The following MAST3 variants were observed in gnomAD, a reference collection of about 807,000 sequenced individuals.
MAST3 encodes the protein microtubule associated serine/threonine kinase 3, also known as microtubule-associated serine/threonine-protein kinase 3.
Under a neutral mutation model 127.0 loss-of-function variants are expected in MAST3, and 43 were observed. The observed-to-expected ratio is 0.34, with a 90% confidence interval of 0.27 to 0.44. The LOEUF is 0.44. Ranked by LOEUF, MAST3 falls within the 20% of genes least tolerant of loss-of-function variation. The pLI, the probability that MAST3 is intolerant of heterozygous loss-of-function variation, is 1.00. For synonymous variants in MAST3, 785 were observed against 809.2 expected (o/e 0.97, Z 0.51); for missense variants, 1,390 against 1,919.1 (o/e 0.72, Z 5.15).
At chr19:18,130,199 G>C (rs962909144) in intron 13 of MAST3, among the ~76,000 whole-genome samples, 2 of 152,196 alleles carry the variant, frequency 1.3e-5, no homozygotes, top group African/African-American at 4.8e-5. Flanking sequence ...CTGGGCAACA[G>C]AGTGAGGCGC....
At chr19:18,124,936 C>CCCG (rs953022356) in intron 11 of MAST3, among the ~76,000 whole-genome samples, 162 bp downstream of exon 11, 2 of 137,326 alleles carry the variant, frequency 1.5e-5, no homozygotes, top group African/African-American at 2.7e-5. Context: ...TGGAAACCCC[C>CCCG]CCCCTACTAA....
intron 11 of MAST3, 102 bp from the exon 12 acceptor site, chr19:18,128,298 A>C: frequency 1.1e-6 from 1 of 881,300 alleles, no homozygotes; most frequent in Non-Finnish European, 1.8e-6. Flanking sequence ...GAGGCACTGC[A>C]TCCCCAGCCT....
At chr19:18,137,026 T>C (rs1176697894) in intron 18 of MAST3, among the ~76,000 whole-genome samples, 1 of 152,174 alleles carries the variant, frequency 6.6e-6, no homozygotes, top group Non-Finnish European at 1.5e-5. Context: ...TTTGCCATGC[T>C]GGCCAGACTG....
chr19:18,134,543 C>T (rs762224946), intron 15 of MAST3, 36 bp from the exon 16 acceptor site: 11 of 1,576,514 alleles, frequency 7.0e-6, no homozygotes, highest in Middle Eastern at 1.8e-4. Context: ...GCACCCCAGC[C>T]CCCCAGCTCT....
intron 3 of MAST3, chr19:18,118,027 C>T: frequency 1.2e-6 from 1 of 818,076 alleles, no homozygotes; most frequent in Non-Finnish European, 1.5e-6. Flanking sequence ...GCGCGCGCTT[C>T]CTTCTCGCCG....
chr19:18,136,832 T>TG lies in MAST3; in HGVS notation c.1973-407_1973-406insG, dbSNP rs200523592. Among the ~76,000 whole-genome samples, 389 of 151,984 alleles carry TG rather than the reference T, an allele frequency of 2.6e-3. 1 individual carries two copies. Among genetic ancestry groups the TG allele is most frequent in the African/African-American group, 8.1e-3 (335 of 41,448 alleles). Reference sequence around the variant, plus strand: ...TCTTTGTTGTTGTTGTTGTTGTTGTTTTTTGAGACAGAGTCTTGCTTTGTT... The same window carrying TG: ...TCTTTGTTGTTGTTGTTGTTGTTGTTGTTTTGAGACAGAGTCTTGCTTTGTT... On this transcript the variant is annotated intron_variant, in intron 18 of 27. Coordinates refer to ENST00000687212, the MANE Select transcript of MAST3 (RefSeq NM_001393504.1).
At position 18,149,351 on chromosome 19, in the gene MAST3, G is replaced by A. The variant is rs981897069; in HGVS notation, c.3669G>A (p.Pro1223=). The A allele has an allele frequency of 6.6e-6, 10 of 1,507,926 alleles. No homozygotes were observed. The highest frequency in any genetic ancestry group is 2.1e-5 in the Admixed American group (1 of 47,244). 93.4% of individuals were successfully genotyped at this position (1,507,926 alleles called of 1,614,324 possible). A position where few individuals can be genotyped will look rare whatever the true frequency, so the allele number is the denominator to read the frequency against. The stretch of plus-strand genomic sequence containing the variant: ...GCCGCAAGTCCACCAGCAGCATCCC[G>A]CCCTCCCCGCTGGCCTGCCCGCCCA... ...TGRRKSTSSI[P]PSPLACPPIS... Residue 1223 remains proline (P), a synonymous_variant, in exon 28 of 28, where the codon CCG becomes CCA. Transcript: ENST00000687212. This position sits in a 1 kb window ranked among gnomAD's most constrained non-coding sequence, Gnocchi z 5.9.
intron 15 of MAST3, among the ~76,000 whole-genome samples, chr19:18,132,968 T>C (rs2041482953): frequency 6.6e-6 from 1 of 152,118 alleles, no homozygotes; most frequent in Non-Finnish European, 1.5e-5. Flanking sequence ...CTGGGAGTGG[T>C]AGCGCGCACT....
At position 18,124,060 on chromosome 19, in the gene MAST3, G is replaced by A. The variant is rs1436689259; in HGVS notation, c.755G>A (p.Arg252Gln). The stretch of plus-strand genomic sequence containing the variant: ...CACCACCAGATCGTCGAGCTGGCCC[G>A]AGACTGCTTGGCCAAGTCTGGCGAG... ...FIHHQIVELA[R>Q]DCLAKSGENL... Residue 252 changes from arginine (R) to glutamine (Q), a missense_variant, in exon 9 of 28, where the codon CGA (arginine) becomes CAA (glutamine). Coordinates refer to ENST00000687212, the MANE Select transcript of MAST3 (RefSeq NM_001393504.1). The A allele has an allele frequency of 1.2e-6, 2 of 1,609,060 alleles. No homozygotes were observed. Among genetic ancestry groups the A allele is most frequent in the African/African-American group, 1.3e-5 (1 of 74,912 alleles).
intron 15 of MAST3, among the ~76,000 whole-genome samples, chr19:18,133,528 C>A (rs575591620): frequency 6.6e-6 from 1 of 150,836 alleles, no homozygotes; most frequent in Non-Finnish European, 1.5e-5. Flanking sequence ...TACAGGCATG[C>A]GCCACCACTA....
chr19:18,125,925 G>C (rs1169666769), intron 11 of MAST3, among the ~76,000 whole-genome samples: 1 of 151,664 alleles, frequency 6.6e-6, no homozygotes, highest in Non-Finnish European at 1.5e-5. Context: ...GGGTGTGGTG[G>C]CATGTGCCTG....
chr19:18,136,405 G>A (rs2041894538), intron 18 of MAST3, among the ~76,000 whole-genome samples: 1 of 152,108 alleles, frequency 6.6e-6, no homozygotes, highest in Admixed American at 6.6e-5. Context: ...TTTGGAACCT[G>A]GGCAGCCTGG....
At chr19:18,118,403 G>A in intron 3 of MAST3, 1 of 265,266 alleles carries the variant, frequency 3.8e-6, no homozygotes, top group Non-Finnish European at 5.8e-6. Flanking sequence ...GGATCGAGGT[G>A]TCCCCTGGGG....
rs778625806 is a variant in MAST3, at chr19:18,128,357, G to A, written c.1079-43G>A. The A allele has an allele frequency of 1.6e-5, 24 of 1,488,332 alleles. No individual in the cohort carries two copies. In the South Asian group the frequency reaches 3.0e-4, roughly 18 times the overall value. The allele number at this position is 1,488,332 out of a possible 1,614,324, so 92.2% of individuals were successfully genotyped here. On this transcript the variant is annotated intron_variant, in intron 11 of 27. Coordinates refer to ENST00000687212, the MANE Select transcript of MAST3 (RefSeq NM_001393504.1). ...AGGAAATTGCTGGGTGATGCAGGGT[G>A]AGGCAGGGAGGCTCCAGCTGAGCCT...
In MAST3 at chr19:18,110,001, G is replaced by C. The variant is rs959023339; in HGVS notation, c.72-651G>C. 1 of 985,244 alleles carries C rather than the reference G, an allele frequency of 1.0e-6. No homozygotes were observed. Among genetic ancestry groups the C allele is most frequent in the African/African-American group, 1.7e-5 (1 of 57,224 alleles). The allele number at this position is 985,244 out of a possible 1,614,324, so 61.0% of individuals were successfully genotyped here. ...GACCGCCCTTCCCTTCCGGGGCGCAGCTCGGGGGCTCCCAAGCCGGCGGCC... is the reference window on the plus strand; with the variant it reads ...GACCGCCCTTCCCTTCCGGGGCGCACCTCGGGGGCTCCCAAGCCGGCGGCC... On this transcript the variant is annotated intron_variant, in intron 2 of 27. Transcript: ENST00000687212. This position sits in a 1 kb window ranked among gnomAD's most constrained non-coding sequence, Gnocchi z 4.3.
In MAST3 at chr19:18,139,018, G is replaced by A. The variant is rs2147616971; in HGVS notation, c.2099G>A (p.Arg700His). 1.3e-6 allele frequency: 2 copies of A among 1,586,602 alleles called. No individual in the cohort carries two copies. Among genetic ancestry groups the A allele is most frequent in the Non-Finnish European group, 1.7e-6 (2 of 1,166,306 alleles). ...CATGTGCCTCTCCCTCCCACAGCAC[G>A]TTCGGAACGTTACCGCCATCTGGGC... ...AEDDTSYFDTRSERYRHLGSE... is the reference protein window; with the variant it reads ...AEDDTSYFDTHSERYRHLGSE... Residue 700 changes from arginine to histidine, a missense_variant, in exon 20 of 28, where the codon CGT (arginine) becomes CAT (histidine). Arg to His is a conservative substitution (Grantham distance 29). Coordinates refer to ENST00000687212, the MANE Select transcript of MAST3 (RefSeq NM_001393504.1).
rs2038431193 is a variant in MAST3, at chr19:18,110,250, G to C, written c.72-402G>C. 2.0e-6 allele frequency: 2 copies of C among 985,472 alleles called. No individual in the cohort carries two copies. The highest frequency in any genetic ancestry group is 6.1e-5 in the Admixed American group (1 of 16,270). 61.0% of individuals were successfully genotyped at this position (985,472 alleles called of 1,614,324 possible). On this transcript the variant is annotated intron_variant, in intron 2 of 27. Coordinates refer to ENST00000687212, the MANE Select transcript of MAST3 (RefSeq NM_001393504.1). This position sits in a 1 kb window ranked among gnomAD's most constrained non-coding sequence, Gnocchi z 4.3. Reference sequence around the variant, plus strand: ...CCGTCCGTCGGTCCGCTCGCGCCACGATCAGGGCTTCCGGGGGCCAACAAG... The same window carrying C: ...CCGTCCGTCGGTCCGCTCGCGCCACCATCAGGGCTTCCGGGGGCCAACAAG...
At position 18,147,025 on chromosome 19, in the gene MAST3, G is replaced by A. The variant is rs772416945; in HGVS notation, c.3307G>A (p.Ala1103Thr). 7.3e-5 allele frequency: 115 copies of A among 1,571,568 alleles called. No individual in the cohort carries two copies. The highest frequency in any genetic ancestry group is 8.2e-5 in the Non-Finnish European group (95 of 1,158,922). The stretch of plus-strand genomic sequence containing the variant: ...GCGGGAGACCCAGGATCGGTGCGCG[G>A]CAGTGACCACCAGGGAGCGGTACAC... ...RRRETQDRCAAVTTRERRKSL... is the reference protein window; with the variant it reads ...RRRETQDRCATVTTRERRKSL... The change falls in exon 26 of 28, where the codon GCA becomes ACA. Residue 1103 changes from alanine (A) to threonine (T), a missense_variant. Physicochemically the swap from Ala to Thr is moderately conservative, Grantham distance 58. Transcript: ENST00000687212.
intron 26 of MAST3, 81 bp from the exon 27 acceptor site, chr19:18,147,362 G>C: frequency 7.5e-7 from 1 of 1,325,150 alleles, no homozygotes; most frequent in African/African-American, 1.5e-5. Context: ...CTCGGCCTCT[G>C]AAAGTGCTGG....
Sources: gnomAD v4.1 joint callset for allele counts (sites outside exome capture counted in the v4.1 genomes callset) on GRCh38, gnomAD v4.1.1 for gene constraint, Gnocchi (gnomAD v3.1) non-coding constraint, MANE v1.5 for transcripts, NCBI Gene and HGNC (gene_info 2026-07-23, HGNC 2026-07-21) for gene names.